Variants in SNX24 observed in about 807,000 individuals in gnomAD.
SNX24 encodes the protein sorting nexin-24.
In SNX24, 22 loss-of-function variants were observed where a neutral mutation model predicts 28.7. That is an observed-to-expected ratio of 0.77 (90% CI 0.55 to 1.10). SNX24 has a LOEUF of 1.10. Among genes scored for constraint, SNX24 ranks in the 50% least tolerant of loss-of-function variants. The probability of loss-of-function intolerance (pLI) is 0.00; values close to 1 mark genes in which losing one functional copy is unlikely to be tolerated. For missense variants in SNX24, 221 were observed against 201.1 expected, an observed-to-expected ratio of 1.10 and a Z score of -0.60; for synonymous variants, 69 against 71.5, an observed-to-expected ratio of 0.96 and a Z score of 0.18.
At chr5:122,947,556 C>CTCTCT (rs1759743101) in intron 3 of SNX24, among the ~76,000 whole-genome samples, 1 of 152,120 alleles carries the variant, frequency 6.6e-6, no homozygotes, top group African/African-American at 2.4e-5. Flanking sequence ...CCTTCACTGT[C>CTCTCT]TCTCTCTGGG....
intron 1 of SNX24, among the ~76,000 whole-genome samples, chr5:122,887,997 C>T (rs1431702912): frequency 2.0e-5 from 3 of 152,166 alleles, no homozygotes; most frequent in Admixed American, 6.5e-5. Flanking sequence ...CCACCGCACT[C>T]GGCCTATATT....
chr5:122,931,589 A>G (rs1361772553), intron 1 of SNX24, among the ~76,000 whole-genome samples: 1 of 152,096 alleles, frequency 6.6e-6, no homozygotes, highest in Admixed American at 6.5e-5. Flanking sequence ...GTTCTAATGA[A>G]CAAGTATTAA....
At chr5:123,012,375 T>G (rs1762601468), downstream of SNX24, among the ~76,000 whole-genome samples, 1 of 152,200 alleles carries the variant, frequency 6.6e-6, no homozygotes, top group South Asian at 2.1e-4. Flanking sequence ...CAGATGAACC[T>G]TGAAGACATT....
intron 1 of SNX24, among the ~76,000 whole-genome samples, chr5:122,860,201 T>A (rs779973132): frequency 3.0e-4 from 45 of 152,238 alleles, no homozygotes; most frequent in Non-Finnish European, 6.2e-4. Flanking sequence ...TTTGATGTTC[T>A]TCTTTCTCTC....
chr5:122,847,204 A>G (rs961653915), intron 1 of SNX24, among the ~76,000 whole-genome samples: 2 of 152,208 alleles, frequency 1.3e-5, no homozygotes, highest in African/African-American at 4.8e-5. Context: ...CTGCAGAAAT[A>G]AGCACTTTGA....
intron 3 of SNX24, among the ~76,000 whole-genome samples, chr5:122,964,459 A>G (rs1457024262): frequency 1.3e-5 from 2 of 151,920 alleles, no homozygotes; most frequent in East Asian, 3.9e-4. Context: ...AGTGGCCCAT[A>G]ATGTCAAAAT....
chr5:122,848,498 G>A (rs1754743158), intron 1 of SNX24, among the ~76,000 whole-genome samples: 1 of 151,542 alleles, frequency 6.6e-6, no homozygotes, highest in Non-Finnish European at 1.5e-5. Context: ...GAGGTCAGGA[G>A]GCGAGACCAG....
At chr5:122,860,892 G>A (rs774117722) in intron 1 of SNX24, among the ~76,000 whole-genome samples, 5 of 151,856 alleles carry the variant, frequency 3.3e-5, no homozygotes, top group African/African-American at 4.8e-5. Context: ...CACTGCGCCC[G>A]GCCAAGAAAA....
intron 3 of SNX24, among the ~76,000 whole-genome samples, chr5:122,976,866 G>A (rs189190975): frequency 6.6e-6 from 1 of 152,320 alleles, no homozygotes; most frequent in African/African-American, 2.4e-5. Flanking sequence ...GTGAGAGCAT[G>A]GCAGCGGTTT....
rs1228863156 is a variant in SNX24, at chr5:122,876,407, G to A, written c.60+30714G>A. 3.3e-5 allele frequency among the ~76,000 whole-genome samples: 5 copies of A among 152,158 alleles called. No individual in the cohort carries two copies. In the East Asian group the frequency reaches 9.6e-4, roughly 29 times the overall value. ...GCTTAATTAATATATTGGTAATGCT[G>A]TAAGATAGTTCATTTTAAGGAATAG... On this transcript the variant is annotated intron_variant, in intron 1 of 6. Transcript: ENST00000261369.
intron 3 of SNX24, among the ~76,000 whole-genome samples, chr5:122,953,089 C>CCCTTT (rs767301392): frequency 6.6e-6 from 1 of 151,188 alleles, no homozygotes; most frequent in Admixed American, 6.6e-5. Flanking sequence ...TTTTTTCCTT[C>CCCTTT]CCTTTCCTTT....
chr5:122,990,338 G>T (rs1761786839), intron 3 of SNX24, among the ~76,000 whole-genome samples: 1 of 152,152 alleles, frequency 6.6e-6, no homozygotes, highest in South Asian at 2.1e-4. Flanking sequence ...ATATAAAATG[G>T]TGTTGGAAGT....
chr5:123,021,579 G>T (rs1336646989), intron 5 of SNX24, among the ~76,000 whole-genome samples: 1 of 152,148 alleles, frequency 6.6e-6, no homozygotes, highest in East Asian at 1.9e-4. Flanking sequence ...AAATGTTTGG[G>T]TTTCCTGATA....
intron 1 of SNX24, among the ~76,000 whole-genome samples, chr5:122,913,651 CCTTA>C (rs1245771463): frequency 1.3e-5 from 2 of 152,098 alleles, no homozygotes; most frequent in African/African-American, 4.8e-5. Flanking sequence ...CAGAGGGTCT[CCTTA>C]CTTCTCAGAC....
chr5:123,010,738 C>G, downstream of SNX24, among the ~76,000 whole-genome samples: 1 of 152,144 alleles, frequency 6.6e-6, no homozygotes, highest in African/African-American at 2.4e-5. Context: ...CTTAATGTGT[C>G]TACTTTGAGT....
intron 3 of SNX24, among the ~76,000 whole-genome samples, chr5:122,958,715 A>G (rs1056007610): frequency 4.6e-5 from 3 of 65,418 alleles, no homozygotes; most frequent in Admixed American, 3.4e-4. Context: ...TTATTTTTTA[A>G]TTTTTAAATT....
At chr5:122,974,367 G>A (rs963670361) in intron 3 of SNX24, among the ~76,000 whole-genome samples, 1 of 152,212 alleles carries the variant, frequency 6.6e-6, no homozygotes, top group Non-Finnish European at 1.5e-5. Flanking sequence ...CCTTGTGGAA[G>A]GGAAAATGGA....
At chr5:122,908,808 A>AT (rs1446477982) in intron 1 of SNX24, among the ~76,000 whole-genome samples, 1 of 152,222 alleles carries the variant, frequency 6.6e-6, no homozygotes, top group Non-Finnish European at 1.5e-5. Flanking sequence ...GAAGATCGTC[A>AT]GGGTCCTCTG....
chr5:122,927,217 T>C (rs1272349453), intron 1 of SNX24, among the ~76,000 whole-genome samples: 1 of 152,112 alleles, frequency 6.6e-6, no homozygotes, highest in African/African-American at 2.4e-5. Flanking sequence ...CTCCAAATCA[T>C]AGAGTATTAG....
Sources: gnomAD v4.1 joint callset for allele counts (sites outside exome capture counted in the v4.1 genomes callset) on GRCh38, gnomAD v4.1.1 for gene constraint, MANE v1.5 for transcripts, NCBI Gene and HGNC (gene_info 2026-07-23, HGNC 2026-07-21) for gene names.